The following SPMIP3 variants were observed in gnomAD, a reference collection of about 807,000 sequenced individuals.
The protein encoded by SPMIP3 is sperm microtubule inner protein 3.
chr1:244,376,863 C>T, the SPMIP3 span, among the ~76,000 whole-genome samples: 70 of 151,920 alleles, frequency 4.6e-4, no homozygotes, highest in Middle Eastern at 0.014. Flanking sequence ...CAGGCTGAAG[C>T]GCAGTGGCGT....
the SPMIP3 span, among the ~76,000 whole-genome samples, chr1:244,379,574 A>T: frequency 6.6e-6 from 1 of 152,180 alleles, no homozygotes; most frequent in African/African-American, 2.4e-5. Flanking sequence ...CTGTTAAGGG[A>T]ACTTTTCTTA....
chr1:244,381,579 A>T, the SPMIP3 span, among the ~76,000 whole-genome samples: 1 of 152,236 alleles, frequency 6.6e-6, no homozygotes, highest in Non-Finnish European at 1.5e-5. Flanking sequence ...GGGAACTCAC[A>T]ATCCAGTTGG....
chr1:244,376,453 GCTCAT>G, the SPMIP3 span: 1 of 151,882 alleles, frequency 6.6e-6, no homozygotes, highest in Non-Finnish European at 1.5e-5. Context: ...ATCAACAGCA[GCTCAT>G]CTCATCTATT....
the SPMIP3 span, among the ~76,000 whole-genome samples, chr1:244,388,207 G>A: frequency 6.6e-6 from 1 of 152,062 alleles, no homozygotes; most frequent in Non-Finnish European, 1.5e-5. Context: ...GGGATTACAG[G>A]CTTGAGCCAC....
the SPMIP3 span, among the ~76,000 whole-genome samples, chr1:244,382,090 T>C: frequency 6.6e-6 from 1 of 152,192 alleles, no homozygotes; most frequent in Admixed American, 6.5e-5. Flanking sequence ...TATGATTTAG[T>C]TGTTTGTTGA....
chr1:244,365,927 G>A, the SPMIP3 span, among the ~76,000 whole-genome samples: 3 of 152,086 alleles, frequency 2.0e-5, no homozygotes, highest in Non-Finnish European at 4.4e-5. Flanking sequence ...GAGCTGTTTC[G>A]CTCTTTCTTC....
the SPMIP3 span, among the ~76,000 whole-genome samples, chr1:244,360,779 G>T: frequency 6.6e-6 from 1 of 151,870 alleles, no homozygotes; most frequent in Non-Finnish European, 1.5e-5. Flanking sequence ...AGCTACTCAG[G>T]AGGCTAAGGC....
At chr1:244,375,416 C>T in the SPMIP3 span, 1 of 1,613,858 alleles carries the variant, frequency 6.2e-7, no homozygotes, top group Admixed American at 1.7e-5. Flanking sequence ...GGCTATTACC[C>T]TGGGCAGCTG....
the SPMIP3 span, chr1:244,375,253 G>A: frequency 1.4e-6 from 1 of 723,292 alleles, no homozygotes; most frequent in Non-Finnish European, 2.3e-6. Flanking sequence ...TAGGGGCTCA[G>A]TGCCAGAAAC....
chr1:244,373,332 T>TTTATATATATATATATATATATATA, the SPMIP3 span, among the ~76,000 whole-genome samples: 4 of 85,196 alleles, frequency 4.7e-5, no homozygotes, highest in African/African-American at 1.6e-4. Context: ...CAAAAAAAAA[T>TTTATATATATATATATATATATATA]TATATATATA....
the SPMIP3 span, chr1:244,389,117 T>C: frequency 7.3e-7 from 1 of 1,370,474 alleles, no homozygotes; most frequent in South Asian, 1.2e-5. Flanking sequence ...GGTGGCCCTT[T>C]TAGACTAAGT....
the SPMIP3 span, among the ~76,000 whole-genome samples, chr1:244,375,757 C>T: frequency 1.1e-3 from 167 of 152,148 alleles, no homozygotes; most frequent in African/African-American, 3.8e-3. Flanking sequence ...CTCCACCTCC[C>T]AGGTTCGAGC....
chr1:244,375,486 C>A, the SPMIP3 span: 3 of 1,592,412 alleles, frequency 1.9e-6, no homozygotes, highest in Non-Finnish European at 2.6e-6. Flanking sequence ...CCTCCTCAAT[C>A]CCAATGTCCA....
chr1:244,366,105 C>A, the SPMIP3 span, among the ~76,000 whole-genome samples: 1 of 152,198 alleles, frequency 6.6e-6, no homozygotes, highest in Non-Finnish European at 1.5e-5. Flanking sequence ...CACACCATGA[C>A]ATGGGGGTCA....
the SPMIP3 span, among the ~76,000 whole-genome samples, chr1:244,369,011 T>C: frequency 6.6e-6 from 1 of 152,042 alleles, no homozygotes; most frequent in African/African-American, 2.4e-5. Context: ...TACAAAAAAT[T>C]AGCAGGGCGT....
chr1:244,357,584 C>A, the SPMIP3 span, among the ~76,000 whole-genome samples: 1 of 151,722 alleles, frequency 6.6e-6, no homozygotes, highest in African/African-American at 2.4e-5. Flanking sequence ...TAGAGCACGC[C>A]TGTAATCCCA....
At chr1:244,384,719 T>G in the SPMIP3 span, among the ~76,000 whole-genome samples, 1 of 152,072 alleles carries the variant, frequency 6.6e-6, no homozygotes, top group Non-Finnish European at 1.5e-5. Context: ...GTGTTGGCAG[T>G]AGATTTAGAT....
At chr1:244,373,008 C>G in the SPMIP3 span, among the ~76,000 whole-genome samples, 7 of 152,082 alleles carry the variant, frequency 4.6e-5, no homozygotes, top group African/African-American at 1.7e-4. Flanking sequence ...TCCATCATAT[C>G]AGAGCTTCGT....
chr1:244,384,904 TTTTG>T, the SPMIP3 span, among the ~76,000 whole-genome samples: 13 of 152,060 alleles, frequency 8.5e-5, no homozygotes, highest in African/African-American at 2.9e-4. Flanking sequence ...TTTGGCCAGT[TTTTG>T]TTTGTTTGTT....
Sources: gnomAD v4.1 joint callset for allele counts (sites outside exome capture counted in the v4.1 genomes callset) on GRCh38, gnomAD v4.1.1 for gene constraint, MANE v1.5 for transcripts, NCBI Gene and HGNC (gene_info 2026-07-23, HGNC 2026-07-21) for gene names.